FAT3: variants seen among roughly 807,000 people sequenced by gnomAD.
The protein encoded by FAT3 is protocadherin Fat 3.
A neutral mutation model predicts 310.2 loss-of-function variants in FAT3; 95 were observed. The ratio of observed to expected loss-of-function variants is 0.31; its 90% confidence interval spans 0.26 to 0.36. The LOEUF (loss-of-function observed/expected upper bound fraction) is 0.36. Among genes scored for constraint, FAT3 ranks in the 10% least tolerant of loss-of-function variants. The pLI, the probability that FAT3 is intolerant of heterozygous loss-of-function variation, is 1.00. For missense variants in FAT3, 5,408 were observed against 5,715.6 expected (o/e 0.95, Z 1.74); for synonymous variants, 2,314 against 2,192.9 (o/e 1.06, Z -1.54).
chr11:92,275,821 T>C (rs958488428), intron 1 of FAT3, among the ~76,000 whole-genome samples: 1 of 151,684 alleles, frequency 6.6e-6, no homozygotes, highest in Non-Finnish European at 1.5e-5. Context: ...TTATAACCTT[T>C]TATTTTTCAT....
intron 2 of FAT3, among the ~76,000 whole-genome samples, chr11:92,418,362 A>G (rs1279284869): frequency 1.3e-5 from 2 of 151,638 alleles, no homozygotes; most frequent in African/African-American, 2.4e-5. Context: ...ACTTTAAAAA[A>G]TTATTATTTA....
At chr11:92,729,574 G>A (rs552707291) in intron 4 of FAT3, among the ~76,000 whole-genome samples, 3 of 151,718 alleles carry the variant, frequency 2.0e-5, no homozygotes, top group Admixed American at 1.3e-4. Context: ...TTACAGGAGC[G>A]TGCCCCCGTG....
intron 6 of FAT3, among the ~76,000 whole-genome samples, chr11:92,772,762 A>G (rs1019361192): frequency 8.5e-5 from 13 of 152,150 alleles, no homozygotes; most frequent in African/African-American, 2.9e-4. Context: ...AGCAATAAGT[A>G]TTTGAAATAT....
At chr11:92,436,497 T>A (rs1276040201) in intron 2 of FAT3, among the ~76,000 whole-genome samples, 3 of 152,148 alleles carry the variant, frequency 2.0e-5, no homozygotes, top group Admixed American at 2.0e-4. Flanking sequence ...ATCCCTTTGT[T>A]AAGGGACAGG....
In FAT3 at chr11:92,679,467, T is replaced by C. The variant is rs1368765848; in HGVS notation, c.3608-17917T>C. Among the ~76,000 whole-genome samples, 6 of 152,214 alleles carry C rather than the reference T, an allele frequency of 3.9e-5. No homozygotes were observed. The East Asian group carries it at 5.8e-4, about 15-fold the overall frequency. On this transcript the variant is annotated intron_variant, in intron 3 of 27. Transcript: ENST00000525166. ...TCCACGTCCTCATCAACACCTAGTA[T>C]TTTTTGTTTTTTTAATAATAGCCAT...
At chr11:92,315,053 T>C (rs1947401489) in intron 1 of FAT3, among the ~76,000 whole-genome samples, 1 of 151,786 alleles carries the variant, frequency 6.6e-6, no homozygotes, top group African/African-American at 2.4e-5. Context: ...GGGCTTCTGG[T>C]TGAAGAGAGG....
At position 92,809,896 on chromosome 11, in the gene FAT3, C is replaced by T; in HGVS notation, c.9301C>T (p.Leu3101=). Residue 3101 remains leucine (L), a synonymous_variant, in exon 13 of 28, where the codon CTG becomes TTG. Coordinates refer to ENST00000525166, the MANE Select transcript of FAT3 (RefSeq NM_001367949.2). ...CCGGGAGAGGATCCCCGTGTACAGC[C>T]TGATGGCCAAGGCCACTGACGGGGG... ...LDRERIPVYS[L]MAKATDGGGR... is the part of the protein sequence containing the mutation. 1 of 1,614,036 alleles carries T rather than the reference C, an allele frequency of 6.2e-7. No individual in the cohort carries two copies. The highest frequency in any genetic ancestry group is 8.5e-7 in the Non-Finnish European group (1 of 1,179,882).
At chr11:92,231,314 C>A (rs1251508330) in intron 1 of FAT3, among the ~76,000 whole-genome samples, 1 of 151,962 alleles carries the variant, frequency 6.6e-6, no homozygotes, top group African/African-American at 2.4e-5. Context: ...GGTTTTTTAC[C>A]TTAAAAAAAT....
chr11:92,882,217 C>T (rs2136404027), intron 23 of FAT3, among the ~76,000 whole-genome samples: 1 of 152,244 alleles, frequency 6.6e-6, no homozygotes, highest in Non-Finnish European at 1.5e-5. Flanking sequence ...TGTGAATATC[C>T]ATATGTTTCA....
intron 10 of FAT3, among the ~76,000 whole-genome samples, chr11:92,803,351 GCT>G (rs1358461768): frequency 6.6e-6 from 1 of 152,162 alleles, no homozygotes; most frequent in Non-Finnish European, 1.5e-5. Context: ...TTTAACTTTT[GCT>G]CTTGATGTAA....
rs1173305409 is a variant in FAT3, at chr11:92,878,652, AAAAAAAAAAAAAAAAG to A, written c.12128-2078_12128-2063del. 2.3e-3 allele frequency among the ~76,000 whole-genome samples: 315 copies of A among 135,208 alleles called. 10 individuals carry two copies. The highest frequency in any genetic ancestry group is 8.9e-3 in the African/African-American group (290 of 32,726). The allele number at this position is 135,208 out of a possible 152,430, so 88.7% of individuals were successfully genotyped here. ...TATGTGTTAAAAAAAAAAAAAAAAAAAAAAAAAAAAAAAAAGCTCCGCACAAAAAAAGTTCTTGGAA... is the reference window on the plus strand; with the variant it reads ...TATGTGTTAAAAAAAAAAAAAAAAAACTCCGCACAAAAAAAGTTCTTGGAA... On this transcript the variant is annotated intron_variant, in intron 22 of 27. Coordinates refer to ENST00000525166, the MANE Select transcript of FAT3 (RefSeq NM_001367949.2).
At position 92,568,371 on chromosome 11, in the gene FAT3, G is replaced by A. The variant is rs147803895; in HGVS notation, c.3607+43423G>A. ...CCAGGTGCAATATTTGTAGTATCCCGATGGCATGATGAGATAGTGGAAGTA... is the reference window on the plus strand; with the variant it reads ...CCAGGTGCAATATTTGTAGTATCCCAATGGCATGATGAGATAGTGGAAGTA... On this transcript the variant is annotated intron_variant, in intron 3 of 27. Transcript: ENST00000525166. Among the ~76,000 whole-genome samples, 875 of 138,358 alleles carry A rather than the reference G, an allele frequency of 6.3e-3. 5 individuals are homozygous for A. The highest frequency in any genetic ancestry group is 0.021 in the African/African-American group (827 of 40,010). 90.8% of individuals were successfully genotyped at this position (138,358 alleles called of 152,430 possible). A position where few individuals can be genotyped will look rare whatever the true frequency, so the allele number is the denominator to read the frequency against.
chr11:92,399,081 GTTGT>G (rs1214860929), intron 2 of FAT3, among the ~76,000 whole-genome samples: 3 of 152,190 alleles, frequency 2.0e-5, no homozygotes, highest in Non-Finnish European at 1.5e-5. Context: ...AGGACCTTGA[GTTGT>G]TTGTTAACCA....
chr11:92,833,345 C>G (rs191893635), intron 14 of FAT3, among the ~76,000 whole-genome samples: 1 of 152,258 alleles, frequency 6.6e-6, no homozygotes, highest in East Asian at 1.9e-4. Flanking sequence ...ACCTGTTGAA[C>G]AAGGTGGCAA....
chr11:92,705,763 G>A (rs1479510279), intron 4 of FAT3, among the ~76,000 whole-genome samples: 1 of 90,482 alleles, frequency 1.1e-5, no homozygotes, highest in East Asian at 3.9e-4. Flanking sequence ...TGCTGTGATG[G>A]TGTGATGGTG....
At chr11:92,327,337 G>A (rs563464909) in intron 1 of FAT3, among the ~76,000 whole-genome samples, 2 of 152,024 alleles carry the variant, frequency 1.3e-5, no homozygotes, top group East Asian at 3.9e-4. Flanking sequence ...GACAGAAATA[G>A]GTCATATTGT....
chr11:92,273,748 C>T (rs1170088493), intron 1 of FAT3, among the ~76,000 whole-genome samples: 1 of 152,076 alleles, frequency 6.6e-6, no homozygotes, highest in Non-Finnish European at 1.5e-5. Flanking sequence ...AAGTTAATGT[C>T]TGCATGGGGC....
At chr11:92,448,360 C>T (rs982460656) in intron 2 of FAT3, among the ~76,000 whole-genome samples, 1 of 151,966 alleles carries the variant, frequency 6.6e-6, no homozygotes, top group Non-Finnish European at 1.5e-5. Flanking sequence ...TGACACTTGC[C>T]AGTGTGTGGT....
intron 1 of FAT3, among the ~76,000 whole-genome samples, chr11:92,317,410 T>C (rs1173675513): frequency 1.3e-5 from 2 of 152,200 alleles, no homozygotes; most frequent in African/African-American, 4.8e-5. Context: ...GAAAGGGGGA[T>C]TGGCTAAAGT....
Sources: allele counts gnomAD v4.1 joint callset (sites outside exome capture counted in the v4.1 genomes callset), GRCh38; gene constraint gnomAD v4.1.1; transcripts MANE v1.5; gene names NCBI Gene and HGNC (gene_info 2026-07-23, HGNC 2026-07-21).